Variants in ADAM22 observed in about 807,000 individuals in gnomAD.
ADAM22 encodes ADAM metallopeptidase domain 22.
Under a neutral mutation model 144.6 loss-of-function variants are expected in ADAM22, and 65 were observed. That is an observed-to-expected ratio of 0.45 (90% confidence interval 0.37 to 0.55). The LOEUF (loss-of-function observed/expected upper bound fraction) is 0.55. ADAM22 is among the 20% of genes least tolerant of loss of function. The pLI is 0.00. For synonymous variants in ADAM22, 391 were observed against 412.6 expected (o/e 0.95, Z 0.63); for missense variants, 974 against 1,184.9 (o/e 0.82, Z 2.61).
chr7:88,133,120 T>C (rs1832204031), intron 12 of ADAM22, among the ~76,000 whole-genome samples, 169 bp downstream of exon 12: 1 of 152,124 alleles, frequency 6.6e-6, no homozygotes, highest in Non-Finnish European at 1.5e-5. Flanking sequence ...TCCAGCACTT[T>C]GGGAGGCTGA....
At chr7:88,006,285 G>A (rs1392631718) in intron 3 of ADAM22, among the ~76,000 whole-genome samples, 1 of 152,108 alleles carries the variant, frequency 6.6e-6, no homozygotes, top group African/African-American at 2.4e-5. Flanking sequence ...AAAGTGTCCA[G>A]GACCAGATGG....
chr7:88,036,849 A>G (rs1801631571), intron 3 of ADAM22, among the ~76,000 whole-genome samples: 1 of 152,112 alleles, frequency 6.6e-6, no homozygotes, highest in Non-Finnish European at 1.5e-5. Flanking sequence ...TTACCATTTG[A>G]AGAAAACAGT....
rs931823507 is a variant in ADAM22, at chr7:88,127,496, C to G, written c.679-1106C>G. 8.5e-5 allele frequency among the ~76,000 whole-genome samples: 13 copies of G among 152,056 alleles called. No individual in the cohort carries two copies. In the South Asian group the frequency reaches 2.5e-3, roughly 29 times the overall value. On this transcript the variant is annotated intron_variant, in intron 8 of 31. Coordinates refer to ENST00000413139, the MANE Select transcript of ADAM22 (RefSeq NM_001324418.2). Reference sequence around the variant, plus strand: ...CCCTCCCTTAAAAAAGAAAAGAAGACTCTCATCATTGGATGCACTTTAGTG... The same window carrying G: ...CCCTCCCTTAAAAAAGAAAAGAAGAGTCTCATCATTGGATGCACTTTAGTG...
chr7:87,953,369 A>G (rs1305055628), intron 2 of ADAM22, among the ~76,000 whole-genome samples: 1 of 152,068 alleles, frequency 6.6e-6, no homozygotes, highest in African/African-American at 2.4e-5. Context: ...TTCAAAGAAC[A>G]TCTTTATTTC....
At chr7:87,985,513 A>G (rs1788262790) in intron 3 of ADAM22, among the ~76,000 whole-genome samples, 1 of 152,056 alleles carries the variant, frequency 6.6e-6, no homozygotes, top group Non-Finnish European at 1.5e-5. Context: ...TGCAATCACT[A>G]ATCTACTTTC....
chr7:88,009,088 A>T (rs1048968728), intron 3 of ADAM22, among the ~76,000 whole-genome samples: 1 of 152,116 alleles, frequency 6.6e-6, no homozygotes, highest in African/African-American at 2.4e-5. Context: ...GATTTTAGTC[A>T]AATTTGGGAA....
chr7:88,063,865 T>C (rs1810515612), intron 3 of ADAM22, among the ~76,000 whole-genome samples: 1 of 152,204 alleles, frequency 6.6e-6, no homozygotes, highest in African/African-American at 2.4e-5. Context: ...CAATCAAAGA[T>C]GAGTTCTCAG....
At chr7:88,044,620 G>A (rs1804059721) in intron 3 of ADAM22, among the ~76,000 whole-genome samples, 2 of 151,424 alleles carry the variant, frequency 1.3e-5, no homozygotes. Flanking sequence ...CTAATTTTTT[G>A]TATATTTAGT....
rs1276244962 is a variant in ADAM22 at position 88,045,896 on chromosome 7, G to GTGTGTGTA, written c.324-29723_324-29722insATGTGTGT. Among the ~76,000 whole-genome samples the GTGTGTGTA allele has an allele frequency of 1.1e-3, 159 of 142,022 alleles. 1 individual carries two copies. Among genetic ancestry groups the GTGTGTGTA allele is most frequent in the African/African-American group, 4.5e-3 (155 of 34,428 alleles). The allele number at this position is 142,022 out of a possible 152,430, so 93.2% of individuals were successfully genotyped here. A position where few individuals can be genotyped will look rare whatever the true frequency, so the allele number is the denominator to read the frequency against. ...GGCTGAGTCGTATTCTATTGTGTGT[G>GTGTGTGTA]TGTGTGTGTGTGTGTGTGTGTGTGT... On this transcript the variant is annotated intron_variant, in intron 3 of 31. Transcript: ENST00000413139.
intron 2 of ADAM22, among the ~76,000 whole-genome samples, chr7:87,972,521 T>G (rs965914472): frequency 1.3e-5 from 2 of 152,144 alleles, no homozygotes; most frequent in African/African-American, 4.8e-5. Flanking sequence ...AGGTAATTTA[T>G]AGATTCAATG....
chr7:88,027,232 A>G (rs1799208978), intron 3 of ADAM22, among the ~76,000 whole-genome samples: 1 of 152,152 alleles, frequency 6.6e-6, no homozygotes, highest in Non-Finnish European at 1.5e-5. Context: ...TATCAGGGTA[A>G]TACTGGCTTT....
At chr7:88,029,249 A>G (rs1799699085) in intron 3 of ADAM22, among the ~76,000 whole-genome samples, 1 of 151,830 alleles carries the variant, frequency 6.6e-6, no homozygotes, top group African/African-American at 2.4e-5. Flanking sequence ...TATTTGTTAT[A>G]TGTTTTTCAA....
rs111861651 is a variant in ADAM22 at position 87,956,535 on chromosome 7, C to T, written c.246+21349C>T. 5.4e-3 allele frequency among the ~76,000 whole-genome samples: 818 copies of T among 152,198 alleles called. 3 individuals are homozygous for T. Among genetic ancestry groups the T allele is most frequent in the African/African-American group, 0.019 (784 of 41,534 alleles). On this transcript the variant is annotated intron_variant, in intron 2 of 31. Coordinates refer to ENST00000413139, the MANE Select transcript of ADAM22 (RefSeq NM_001324418.2). ...TTGGTGTATTTAGAGAACTGTGCAG[C>T]GATCACCACTGTCAATTTTGAAACC... is the stretch of plus-strand genomic sequence containing the variant.
Position 88,038,524 on chromosome 7 carries a change from G to A in ADAM22, c.324-37102G>A, listed in dbSNP as rs531216601. On this transcript the variant is annotated intron_variant, in intron 3 of 31. Coordinates refer to ENST00000413139, the MANE Select transcript of ADAM22 (RefSeq NM_001324418.2). ...GGCTGGAGTGCAGTGGTGCGATCTCGACTCACTGCAAGCTCCGCCTCCCGG... is the reference window on the plus strand; with the variant it reads ...GGCTGGAGTGCAGTGGTGCGATCTCAACTCACTGCAAGCTCCGCCTCCCGG... 1.0e-4 allele frequency among the ~76,000 whole-genome samples: 15 copies of A among 144,512 alleles called. No homozygotes were observed. The South Asian group carries it at 2.0e-3, about 19-fold the overall frequency. 94.8% of individuals were successfully genotyped at this position (144,512 alleles called of 152,430 possible).
At chr7:88,015,644 C>T (rs1015460905) in intron 3 of ADAM22, among the ~76,000 whole-genome samples, 1 of 152,192 alleles carries the variant, frequency 6.6e-6, no homozygotes, top group African/African-American at 2.4e-5. Context: ...TTTACCAAAG[C>T]CAAGCAAAGC....
chr7:88,026,871 T>C (rs1037444945), intron 3 of ADAM22, among the ~76,000 whole-genome samples: 1 of 152,226 alleles, frequency 6.6e-6, no homozygotes, highest in Non-Finnish European at 1.5e-5. Flanking sequence ...TCTGTTGTTA[T>C]GGCTTCTATC....
Position 88,079,456 on chromosome 7 carries a change from A to T in ADAM22, c.390+3764A>T, listed in dbSNP as rs142557888. 3.8e-4 allele frequency among the ~76,000 whole-genome samples: 58 copies of T among 152,322 alleles called. No individual in the cohort carries two copies. In the East Asian group the frequency reaches 0.01, roughly 27 times the overall value. Reference sequence around the variant, plus strand: ...GCATCAACTAACGAGCAAAATAACCAGCTAACATCATAATGACAGGATCAA... The same window carrying T: ...GCATCAACTAACGAGCAAAATAACCTGCTAACATCATAATGACAGGATCAA... On this transcript the variant is annotated intron_variant, in intron 4 of 31. Coordinates refer to ENST00000413139, the MANE Select transcript of ADAM22 (RefSeq NM_001324418.2).
Position 88,145,286 on chromosome 7 carries a change from C to T in ADAM22, c.1392+90C>T, listed in dbSNP as rs1030935271. ...TGAGATGTATGGAGCAAATGTCATG[C>T]CTGGAATTTTATAGGATTTGTGGAA... On this transcript the variant is annotated intron_variant, in intron 16 of 31. Transcript: ENST00000413139. The T allele has an allele frequency of 2.0e-6, 3 of 1,504,108 alleles. No homozygotes were observed. In the African/African-American group the frequency reaches 4.2e-5, roughly 21 times the overall value. 93.2% of individuals were successfully genotyped at this position (1,504,108 alleles called of 1,614,324 possible).
At chr7:87,958,508 C>T (rs1847310912) in intron 2 of ADAM22, among the ~76,000 whole-genome samples, 1 of 151,930 alleles carries the variant, frequency 6.6e-6, no homozygotes, top group Non-Finnish European at 1.5e-5. Flanking sequence ...ACCTCAGCCT[C>T]CTGAGTAGCT....
Sources: gnomAD v4.1 joint callset for allele counts (sites outside exome capture counted in the v4.1 genomes callset) on GRCh38, gnomAD v4.1.1 for gene constraint, MANE v1.5 for transcripts, NCBI Gene and HGNC (gene_info 2026-07-23, HGNC 2026-07-21) for gene names.